The following KAT2B variants were observed in gnomAD, a reference collection of about 807,000 sequenced individuals.
The protein encoded by KAT2B is histone acetyltransferase KAT2B.
KAT2B carries 36 observed loss-of-function variants against 105.9 expected under a neutral mutation model. The ratio of observed to expected loss-of-function variants is 0.34; its 90% CI spans 0.26 to 0.45. The LOEUF is 0.45. Among genes scored for constraint, KAT2B ranks in the 20% least tolerant of loss-of-function variants. The pLI is 1.00. For missense variants in KAT2B, 820 were observed against 1,021.6 expected (o/e 0.80, Z 2.69); for synonymous variants, 397 against 377.9 (o/e 1.05, Z -0.59).
chr3:20,120,160 C>T (rs1034812686), intron 8 of KAT2B, among the ~76,000 whole-genome samples: 5 of 151,936 alleles, frequency 3.3e-5, no homozygotes, highest in Non-Finnish European at 5.9e-5. Flanking sequence ...AAGAAATACA[C>T]AGTCTCTTGA....
chr3:20,130,505 G>C (rs988919091), intron 11 of KAT2B, among the ~76,000 whole-genome samples: 2 of 152,148 alleles, frequency 1.3e-5, no homozygotes, highest in Non-Finnish European at 2.9e-5. Context: ...CCCTTGGTTT[G>C]TAATTTTAGA....
intron 1 of KAT2B, among the ~76,000 whole-genome samples, chr3:20,046,796 G>C (rs1222680561): frequency 6.6e-6 from 1 of 152,118 alleles, no homozygotes; most frequent in Admixed American, 6.6e-5. Context: ...ATTTAGAGCA[G>C]TGGCTCTCAC....
At chr3:20,136,800 A>AAT in intron 11 of KAT2B, 142 bp from the exon 12 acceptor site, 1 of 456,146 alleles carries the variant, frequency 2.2e-6, no homozygotes, top group Non-Finnish European at 3.9e-6. Context: ...AAAGGGTGTT[A>AAT]ATATATTTCA....
intron 2 of KAT2B, among the ~76,000 whole-genome samples, 190 bp downstream of exon 2, chr3:20,072,649 T>G (rs1296548872): frequency 1.3e-5 from 2 of 152,220 alleles, no homozygotes; most frequent in Non-Finnish European, 2.9e-5. Flanking sequence ...CTGCACTGTG[T>G]GCAGTGACTT....
At chr3:20,123,919 T>G (rs1699354871) in intron 9 of KAT2B, among the ~76,000 whole-genome samples, 1 of 152,194 alleles carries the variant, frequency 6.6e-6, no homozygotes, top group South Asian at 2.1e-4. Flanking sequence ...TGACATTTCT[T>G]AAGACATACC....
At chr3:20,092,632 G>A (rs549021649) in intron 2 of KAT2B, among the ~76,000 whole-genome samples, 127 of 152,004 alleles carry the variant, frequency 8.4e-4, no homozygotes, top group African/African-American at 2.9e-3. Flanking sequence ...ATTTACAGTT[G>A]TTATATCCTC....
At position 20,095,277 on chromosome 3, in the gene KAT2B, C is replaced by T; in HGVS notation, c.445C>T (p.His149Tyr). Reference protein sequence around the residue: ...CSHALAAHVSHLENVSEEEMN... With the variant: ...CSHALAAHVSYLENVSEEEMN... ...CTTATCATAAGCTGCTCATGTTTCC[C>T]ACCTGGAGAATGTGTCAGAGGAAGA... Residue 149 changes from histidine (H) to tyrosine (Y), a missense_variant, in exon 3 of 18, where the codon CAC (histidine) becomes TAC (tyrosine). This residue lies in a region of KAT2B where 173 missense variants were observed against 249.5 expected (regional missense o/e 0.69). Transcript: ENST00000263754. 1 of 1,612,288 alleles carries T rather than the reference C, an allele frequency of 6.2e-7. No individual in the cohort carries two copies. Among genetic ancestry groups the T allele is most frequent in the Non-Finnish European group, 8.5e-7 (1 of 1,178,718 alleles).
At chr3:20,140,654 C>A (rs1451472070) in intron 13 of KAT2B, among the ~76,000 whole-genome samples, 2 of 152,042 alleles carry the variant, frequency 1.3e-5, no homozygotes, top group Non-Finnish European at 2.9e-5. Flanking sequence ...CCATGCCCAG[C>A]CAATTTTTCT....
At chr3:20,041,566 C>T (rs1373969544) in intron 1 of KAT2B, among the ~76,000 whole-genome samples, 2 of 152,226 alleles carry the variant, frequency 1.3e-5, no homozygotes, top group African/African-American at 4.8e-5. Context: ...CCTCCAGCTG[C>T]AGATCCAGAT....
chr3:20,144,073 G>C (rs1002637886), intron 13 of KAT2B, among the ~76,000 whole-genome samples: 1 of 152,096 alleles, frequency 6.6e-6, no homozygotes, highest in African/African-American at 2.4e-5. Flanking sequence ...TAGAGGTACA[G>C]AGAGCTTAGG....
chr3:20,040,510 CTGCGGGGCAGGA>C lies in KAT2B; in HGVS notation c.34_45del (p.Cys12_Gly15del). 9.7e-6 allele frequency: 10 copies of C among 1,028,272 alleles called. No homozygotes were observed. Among genetic ancestry groups the C allele is most frequent in the Non-Finnish European group, 1.2e-5 (10 of 858,504 alleles). 63.7% of individuals were successfully genotyped at this position (1,028,272 alleles called of 1,614,324 possible). A position where few individuals can be genotyped will look rare whatever the true frequency, so the allele number is the denominator to read the frequency against. On this transcript the variant is annotated inframe_deletion, in exon 1 of 18. Transcript: ENST00000263754. ...AGGCTGGCGGGGCCGGGCCGGGCGG[CTGCGGGGCAGGA>C]GCCGGGGCAGGGGCCGGGCCCGGGG...
chr3:20,095,509 A>G, intron 3 of KAT2B, 101 bp downstream of exon 3: 2 of 729,758 alleles, frequency 2.7e-6, no homozygotes, highest in South Asian at 2.0e-5. Context: ...CTCCTGGTAC[A>G]TTTTGCCCTC....
Position 20,125,892 on chromosome 3 carries a change from T to C in KAT2B, c.1414-13T>C. ...TAGCTCTGTGTAATTTTTTCCTGTC[T>C]CTTGCATCTCAGACCAATTTTCTGT... On this transcript the variant is annotated splice_polypyrimidine_tract_variant and intron_variant, in intron 9 of 17. Coordinates refer to ENST00000263754, the MANE Select transcript of KAT2B (RefSeq NM_003884.5). 6.2e-7 allele frequency: 1 copy of C among 1,611,892 alleles called. No individual in the cohort carries two copies. Among genetic ancestry groups the C allele is most frequent in the Admixed American group, 1.7e-5 (1 of 60,016 alleles).
intron 9 of KAT2B, among the ~76,000 whole-genome samples, chr3:20,124,454 T>A (rs1160602483): frequency 6.6e-6 from 1 of 152,036 alleles, no homozygotes; most frequent in Admixed American, 6.6e-5. Context: ...GCCAGACCCC[T>A]TTAAACCACC....
intron 5 of KAT2B, among the ~76,000 whole-genome samples, chr3:20,103,432 T>C (rs747618678): frequency 6.6e-6 from 1 of 152,092 alleles, no homozygotes. Flanking sequence ...TTTTTAGAGA[T>C]GGTGTCTTAT....
At chr3:20,049,334 A>G (rs866716025) in intron 1 of KAT2B, among the ~76,000 whole-genome samples, 11 of 152,202 alleles carry the variant, frequency 7.2e-5, no homozygotes, top group African/African-American at 2.4e-4. Flanking sequence ...TTCCATTGGT[A>G]TTAGCAGTTT....
At chr3:20,079,028 CT>C (rs1698471384) in intron 2 of KAT2B, among the ~76,000 whole-genome samples, 1 of 150,790 alleles carries the variant, frequency 6.6e-6, no homozygotes, top group African/African-American at 2.4e-5. Context: ...GGATTACAGG[CT>C]TATACCACCA....
intron 5 of KAT2B, among the ~76,000 whole-genome samples, chr3:20,108,181 C>G (rs565768028): frequency 6.6e-6 from 1 of 152,180 alleles, no homozygotes; most frequent in Admixed American, 6.5e-5. Flanking sequence ...TAAATGGAGT[C>G]CTACTAGAAC....
intron 17 of KAT2B, among the ~76,000 whole-genome samples, chr3:20,149,239 C>T (rs1381976291): frequency 6.6e-6 from 1 of 151,950 alleles, no homozygotes; most frequent in African/African-American, 2.4e-5. Flanking sequence ...TGGAGAGAGC[C>T]AGAGTCTTCT....
Sources: allele counts gnomAD v4.1 joint callset (sites outside exome capture counted in the v4.1 genomes callset), GRCh38; gene constraint gnomAD v4.1.1; regional missense constraint gnomAD v4.1.1; transcripts MANE v1.5; gene names NCBI Gene and HGNC (gene_info 2026-07-23, HGNC 2026-07-21).